The following PTPRQ variants were observed in gnomAD, a reference collection of about 807,000 sequenced individuals.
PTPRQ encodes the protein phosphatidylinositol phosphatase PTPRQ.
PTPRQ carries 199 observed loss-of-function variants against 246.0 expected under a neutral mutation model. The observed-to-expected ratio is 0.81, with a 90% CI of 0.72 to 0.91. The LOEUF is 0.91. PTPRQ is among the 40% of genes least tolerant of loss of function. The pLI, the probability that PTPRQ is intolerant of heterozygous loss-of-function variation, is 0.00. For missense variants in PTPRQ, 2,624 were observed against 2,528.4 expected (o/e 1.04, Z -0.81); for synonymous variants, 869 against 853.2 (o/e 1.02, Z -0.32).
chr12:80,622,157 T>C, intron 33 of PTPRQ, 23 bp downstream of exon 33: 5 of 1,372,048 alleles, frequency 3.6e-6, no homozygotes, highest in Non-Finnish European at 4.8e-6. Flanking sequence ...TGTAATTCAT[T>C]TATAATCTCA....
At chr12:80,560,049 A>G (rs1896779493) in intron 25 of PTPRQ, among the ~76,000 whole-genome samples, 1 of 152,220 alleles carries the variant, frequency 6.6e-6, no homozygotes, top group Non-Finnish European at 1.5e-5. Context: ...TGGGGAAACG[A>G]GACCAAAGAA....
At chr12:80,650,068 T>A (rs1471042062) in intron 37 of PTPRQ, among the ~76,000 whole-genome samples, 1 of 152,100 alleles carries the variant, frequency 6.6e-6, no homozygotes, top group African/African-American at 2.4e-5. Flanking sequence ...ACTAAATTAT[T>A]TCATTTTACG....
intron 8 of PTPRQ, among the ~76,000 whole-genome samples, chr12:80,473,087 T>G (rs1243647075): frequency 6.7e-6 from 1 of 149,260 alleles, no homozygotes; most frequent in Non-Finnish European, 1.5e-5. Flanking sequence ...AGGTCATACA[T>G]TCATCGTTCA....
rs367856096 is a variant in PTPRQ at position 80,669,417 on chromosome 12, G to A, written c.6406G>A (p.Glu2136Lys). The A allele has an allele frequency of 1.8e-5, 28 of 1,549,624 alleles. No homozygotes were observed. The highest frequency in any genetic ancestry group is 3.9e-5 in the Admixed American group (2 of 50,880). ...FGDIVITKLM[E>K]DVQIDWTIRD... ...AGATATAGTGATTACAAAGCTAATG[G>A]AGGATGTTCAAATAGATTGGACTAT... is the stretch of plus-strand genomic sequence containing the variant. The change falls in exon 41 of 45, where the codon GAG becomes AAG. Residue 2136 changes from glutamate to lysine, a missense_variant. By Grantham distance (56) the Glu-to-Lys change is moderately conservative. Transcript: ENST00000644991.
intron 39 of PTPRQ, among the ~76,000 whole-genome samples, chr12:80,658,283 A>G (rs866160062): frequency 6.6e-6 from 1 of 152,068 alleles, no homozygotes; most frequent in African/African-American, 2.4e-5. Flanking sequence ...AGTGCGCGGC[A>G]GATGTTCAAC....
At chr12:80,667,413 ACCTATTTCTGAACAG>A (rs1900822190) in intron 39 of PTPRQ, among the ~76,000 whole-genome samples, 1 of 151,978 alleles carries the variant, frequency 6.6e-6, no homozygotes, top group South Asian at 2.1e-4. Context: ...TTTCTGAATA[ACCTATTTCTGAACAG>A]CCTATTTTCT....
At chr12:80,574,186 G>C (rs2057801183) in intron 25 of PTPRQ, among the ~76,000 whole-genome samples, 1 of 152,034 alleles carries the variant, frequency 6.6e-6, no homozygotes, top group Non-Finnish European at 1.5e-5. Flanking sequence ...CTTGTATTAA[G>C]GCTTTTTTGT....
chr12:80,565,752 A>G (rs1896959828), intron 25 of PTPRQ, among the ~76,000 whole-genome samples: 1 of 152,230 alleles, frequency 6.6e-6, no homozygotes, highest in Admixed American at 6.5e-5. Flanking sequence ...GACCTAATTT[A>G]AAATCAATGC....
intron 30 of PTPRQ, 140 bp downstream of exon 30, chr12:80,616,406 G>GT: frequency 1.5e-6 from 1 of 674,496 alleles, no homozygotes; most frequent in South Asian, 4.1e-5. Context: ...AAAAATGTGT[G>GT]GTTATTAAAG....
rs551791311 is a variant in PTPRQ, at chr12:80,463,622, G to C, written c.910+2720G>C. Among the ~76,000 whole-genome samples the C allele has an allele frequency of 4.2e-3, 636 of 151,940 alleles. 6 individuals carry two copies. The highest frequency in any genetic ancestry group is 0.015 in the African/African-American group (609 of 41,302). On this transcript the variant is annotated intron_variant, in intron 6 of 44. Coordinates refer to ENST00000644991, the MANE Select transcript of PTPRQ (RefSeq NM_001145026.2). ...ATGTTAAGGGCAGCCAGAGAGAAAG[G>C]TCGGGTTACCCACAAAGGGAAGCCC...
chr12:80,569,311 A>C (rs1897073334), intron 25 of PTPRQ, among the ~76,000 whole-genome samples: 1 of 139,434 alleles, frequency 7.2e-6, no homozygotes, highest in East Asian at 2.2e-4. Context: ...TTATGGCTGC[A>C]TAGTATTCCA....
intron 33 of PTPRQ, among the ~76,000 whole-genome samples, chr12:80,624,457 T>C (rs534823861): frequency 6.6e-6 from 1 of 152,300 alleles, no homozygotes; most frequent in Non-Finnish European, 1.5e-5. Flanking sequence ...TTATTCTGGA[T>C]TGACCACATG....
At chr12:80,531,178 G>A (rs10862163) in intron 17 of PTPRQ, among the ~76,000 whole-genome samples, 136,351 of 152,002 alleles carry the variant, frequency 0.9, 61,740 homozygotes, top group Non-Finnish European at 0.93. Flanking sequence ...GAAAAAGCCT[G>A]AAAGTTAACT....
At chr12:80,503,677 A>C (rs1894870108) in intron 14 of PTPRQ, among the ~76,000 whole-genome samples, 1 of 151,822 alleles carries the variant, frequency 6.6e-6, no homozygotes, top group Admixed American at 6.6e-5. Context: ...CTCCAAGTTA[A>C]TTATTTATGT....
At position 80,673,649 on chromosome 12, in the gene PTPRQ, C is replaced by A. The variant is rs375964911; in HGVS notation, c.6738+345C>A. On this transcript the variant is annotated intron_variant, in intron 43 of 44. Coordinates refer to ENST00000644991, the MANE Select transcript of PTPRQ (RefSeq NM_001145026.2). ...ATCAATATCTTTTGAATATCATTATCTTTTGAAAAGTTATAAATGGGAAAA... is the reference window on the plus strand; with the variant it reads ...ATCAATATCTTTTGAATATCATTATATTTTGAAAAGTTATAAATGGGAAAA... Among the ~76,000 whole-genome samples the A allele has an allele frequency of 5.9e-5, 9 of 152,134 alleles. 1 individual carries two copies. In the East Asian group the frequency reaches 7.7e-4, roughly 13 times the overall value.
chr12:80,557,826 G>A (rs1451672214), intron 25 of PTPRQ, among the ~76,000 whole-genome samples: 5 of 152,040 alleles, frequency 3.3e-5, no homozygotes, highest in Non-Finnish European at 2.9e-5. Flanking sequence ...AATCCCTCAA[G>A]TTGCCTTTGC....
chr12:80,675,930 C>T (rs1192818151), intron 43 of PTPRQ, among the ~76,000 whole-genome samples: 1 of 152,244 alleles, frequency 6.6e-6, no homozygotes, highest in East Asian at 1.9e-4. Flanking sequence ...TTACACTTTT[C>T]ACAAACTTGT....
Position 80,510,309 on chromosome 12 carries a change from C to T in PTPRQ, c.2558-14C>T, listed in dbSNP as rs1895085627. 3 of 1,535,772 alleles carry T rather than the reference C, an allele frequency of 2.0e-6. No homozygotes were observed. The highest frequency in any genetic ancestry group is 1.4e-5 in the African/African-American group (1 of 72,146). On this transcript the variant is annotated splice_polypyrimidine_tract_variant and intron_variant, in intron 16 of 44. Coordinates refer to ENST00000644991, the MANE Select transcript of PTPRQ (RefSeq NM_001145026.2). ...GTTTAATAAAACACATTATTCTATA[C>T]CCTAACTTTACAGCTCCTGATTCTC...
At chr12:80,586,682 T>C (rs916961281) in intron 25 of PTPRQ, 5 of 152,262 alleles carry the variant, frequency 3.3e-5, no homozygotes, top group Non-Finnish European at 7.3e-5. Flanking sequence ...TCTCCGCAAC[T>C]CTGATCATCA....
Sources: gnomAD v4.1 joint callset for allele counts (sites outside exome capture counted in the v4.1 genomes callset) on GRCh38, gnomAD v4.1.1 for gene constraint, MANE v1.5 for transcripts, NCBI Gene and HGNC (gene_info 2026-07-23, HGNC 2026-07-21) for gene names.